The following VPS26C variants were observed in gnomAD, a reference collection of about 807,000 sequenced individuals.
VPS26C encodes the protein VPS26 endosomal protein sorting factor C, also known as vacuolar protein sorting-associated protein 26C.
A neutral mutation model predicts 30.6 loss-of-function variants in VPS26C; 19 were observed. The observed-to-expected ratio is 0.62, with a 90% CI of 0.43 to 0.91. The LOEUF (loss-of-function observed/expected upper bound fraction) is 0.91, where lower values mean the gene tolerates loss of function less well. VPS26C is among the 40% of genes least tolerant of loss of function. VPS26C has a pLI of 0.00. For synonymous variants in VPS26C, 132 were observed against 151.5 expected, an observed-to-expected ratio of 0.87 and a Z score of 0.95; for missense variants, 318 against 385.1, an observed-to-expected ratio of 0.83 and a Z score of 1.46.
upstream of VPS26C, chr21:37,267,632 G>C (rs1310529137): frequency 3.1e-6 from 1 of 327,858 alleles, no homozygotes; most frequent in Admixed American, 4.8e-5. Context: ...GGTTAGCGGA[G>C]GGAGGGAGGA....
rs749281739 is a variant in VPS26C at position 37,225,635 on chromosome 21, A to G, written c.812-9T>C. The G allele has an allele frequency of 1.2e-6, 2 of 1,611,888 alleles. No homozygotes were observed. The highest frequency in any genetic ancestry group is 2.2e-5 in the East Asian group (1 of 44,884). ...GATGTTAACCTCAAATTCTGAGAAG[A>G]GAAGAGAGGGTGGGTTTGTGCTCAC... On this transcript the variant is annotated splice_polypyrimidine_tract_variant and intron_variant, in intron 7 of 7. Coordinates refer to ENST00000309117, the MANE Select transcript of VPS26C (RefSeq NM_006052.2).
chr21:37,227,356 C>T (rs953156641), intron 7 of VPS26C: 2 of 363,848 alleles, frequency 5.5e-6, no homozygotes, highest in East Asian at 4.9e-5. Flanking sequence ...CAGAGCTCAG[C>T]GTCACCTGCC....
chr21:37,256,307 TCAG>T (rs2086242994), intron 1 of VPS26C, among the ~76,000 whole-genome samples: 1 of 152,158 alleles, frequency 6.6e-6, no homozygotes, highest in Non-Finnish European at 1.5e-5. Context: ...TGAAGACACC[TCAG>T]CAGCCACTTT....
Position 37,233,361 on chromosome 21 carries a change from C to A in VPS26C, c.432+1G>T. On this transcript the variant is annotated splice_donor_variant, in intron 4 of 7. Transcript: ENST00000309117. LOFTEE classifies it high-confidence loss of function. The surrounding 1 kb of genome is among the most constrained non-coding windows in gnomAD (Gnocchi z 5.2). ...CACCAGAGTCCCCGAGTGAAGCTTA[C>A]AGCGGAGTGAACGATAAATTCACAG... 1 of 1,613,684 alleles carries A rather than the reference C, an allele frequency of 6.2e-7. No individual in the cohort carries two copies. The highest frequency in any genetic ancestry group is 8.5e-7 in the Non-Finnish European group (1 of 1,179,574).
intron 4 of VPS26C, chr21:37,232,680 A>G (rs1421253098): frequency 3.4e-6 from 2 of 590,890 alleles, no homozygotes; most frequent in Middle Eastern, 4.4e-4. Context: ...TTAATCTCCA[A>G]CGTGCCTTTC....
chr21:37,258,232 C>A (rs1293448144), intron 1 of VPS26C, among the ~76,000 whole-genome samples: 1 of 152,230 alleles, frequency 6.6e-6, no homozygotes, highest in Non-Finnish European at 1.5e-5. Context: ...GCGCAGGAGG[C>A]ACCTTGCAAA....
At chr21:37,238,436 C>G (rs770503472) in intron 3 of VPS26C, 24 bp downstream of exon 3, 1 of 1,604,230 alleles carries the variant, frequency 6.2e-7, no homozygotes, top group Non-Finnish European at 8.5e-7. Context: ...TGAAGTCAGT[C>G]GCGTAGGACT....
At chr21:37,237,627 A>C (rs534632793) in intron 3 of VPS26C, 9 of 152,336 alleles carry the variant, frequency 5.9e-5, no homozygotes, top group African/African-American at 2.2e-4. Flanking sequence ...ATCATACTAC[A>C]TGTGTTTCCT....
chr21:37,249,560 A>T (rs1008787089), intron 1 of VPS26C, among the ~76,000 whole-genome samples: 4 of 152,258 alleles, frequency 2.6e-5, no homozygotes, highest in African/African-American at 9.6e-5. Flanking sequence ...ACAAAAGAAA[A>T]TTTGAAGAAA....
intron 7 of VPS26C, 81 bp downstream of exon 7, chr21:37,227,573 G>T: frequency 6.5e-7 from 1 of 1,527,062 alleles, no homozygotes; most frequent in Non-Finnish European, 9.0e-7. Context: ...CAGGTTCTGA[G>T]CTCTGTGACC....
At chr21:37,254,737 G>A (rs766142103) in intron 1 of VPS26C, among the ~76,000 whole-genome samples, 17 of 152,112 alleles carry the variant, frequency 1.1e-4, no homozygotes, top group Non-Finnish European at 2.1e-4. Flanking sequence ...CTTGAACCAG[G>A]AGGCAGAGGC....
chr21:37,248,900 TA>T (rs2086164891), intron 1 of VPS26C, among the ~76,000 whole-genome samples: 4 of 152,072 alleles, frequency 2.6e-5, no homozygotes, highest in Admixed American at 2.6e-4. Flanking sequence ...ACACTATACA[TA>T]ACCAAGTAGA....
At chr21:37,250,259 C>A (rs1281757602) in intron 1 of VPS26C, among the ~76,000 whole-genome samples, 1 of 151,462 alleles carries the variant, frequency 6.6e-6, no homozygotes, top group Admixed American at 6.6e-5. Context: ...GAGCTGAGAT[C>A]ACGCCACTGC....
chr21:37,266,489 A>T (rs1225674191), intron 1 of VPS26C, among the ~76,000 whole-genome samples: 3 of 152,150 alleles, frequency 2.0e-5, no homozygotes, highest in African/African-American at 4.8e-5. Flanking sequence ...ATCATATTTT[A>T]AAATTCTCCA....
At chr21:37,228,462 G>A in intron 5 of VPS26C, 89 bp from the exon 6 acceptor site, 1 of 1,453,064 alleles carries the variant, frequency 6.9e-7, no homozygotes, top group Non-Finnish European at 9.4e-7. Context: ...TGGAAGCGAA[G>A]TTGGATAGTG....
chr21:37,262,198 G>C (rs1365971120), intron 1 of VPS26C, among the ~76,000 whole-genome samples: 2 of 152,216 alleles, frequency 1.3e-5, no homozygotes, highest in African/African-American at 4.8e-5. Context: ...GGTCAACCAA[G>C]TAAAAGAAAC....
rs536021455 is a variant in VPS26C, at chr21:37,257,645, T to C, written c.57+9593A>G. Among the ~76,000 whole-genome samples the C allele has an allele frequency of 6.6e-6, 1 of 151,966 alleles. No individual in the cohort carries two copies. Among genetic ancestry groups the C allele is most frequent in the East Asian group, 1.9e-4 (1 of 5,144 alleles). The stretch of plus-strand genomic sequence containing the variant: ...GGTTGAAATGAAAGCAGAAAGCAAA[T>C]GGCAAGCTGGCTTCCCCTTCCAGCT... On this transcript the variant is annotated intron_variant, in intron 1 of 7. Transcript: ENST00000309117. This position sits in a 1 kb window ranked among gnomAD's most constrained non-coding sequence, Gnocchi z 4.2.
intron 2 of VPS26C, 92 bp from the exon 3 acceptor site, chr21:37,238,701 C>T: frequency 6.8e-7 from 1 of 1,478,714 alleles, no homozygotes; most frequent in Non-Finnish European, 9.2e-7. Context: ...AGCACCCCGA[C>T]CCCCTGGAGG....
chr21:37,260,044 T>C (rs2086288454), intron 1 of VPS26C, among the ~76,000 whole-genome samples: 1 of 152,168 alleles, frequency 6.6e-6, no homozygotes, highest in African/African-American at 2.4e-5. Flanking sequence ...ATTCTACAGA[T>C]GAGAATTAAG....
Sources: gnomAD v4.1 joint callset for allele counts (sites outside exome capture counted in the v4.1 genomes callset) on GRCh38, gnomAD v4.1.1 for gene constraint, Gnocchi (gnomAD v3.1) non-coding constraint, MANE v1.5 for transcripts, NCBI Gene and HGNC (gene_info 2026-07-23, HGNC 2026-07-21) for gene names.